The following MARCHF4 variants were observed in gnomAD, a reference collection of about 807,000 sequenced individuals.
MARCHF4 encodes the protein membrane associated ring-CH-type finger 4.
In MARCHF4, 14 loss-of-function variants were observed where a neutral mutation model predicts 43.9. That is an observed-to-expected ratio of 0.32 (90% CI 0.21 to 0.50). The LOEUF (loss-of-function observed/expected upper bound fraction) is 0.50. MARCHF4 is among the 20% of genes least tolerant of loss of function. The probability of loss-of-function intolerance (pLI) is 0.98; values close to 1 mark genes in which losing one functional copy is unlikely to be tolerated. For missense variants in MARCHF4, 468 were observed against 536.7 expected (o/e 0.87, Z 1.27); for synonymous variants, 226 against 213.3 (o/e 1.06, Z -0.52).
At chr2:216,273,659 C>G (rs1254542892) in intron 3 of MARCHF4, among the ~76,000 whole-genome samples, 2 of 152,174 alleles carry the variant, frequency 1.3e-5, no homozygotes, top group African/African-American at 4.8e-5. Flanking sequence ...AAGCTTCCCC[C>G]TTTTTCATGG....
chr2:216,295,514 T>G (rs1407657917), intron 1 of MARCHF4, among the ~76,000 whole-genome samples: 2 of 152,180 alleles, frequency 1.3e-5, no homozygotes, highest in Admixed American at 1.3e-4. Context: ...TGTGAGATGT[T>G]CTTAGGACCC....
At position 216,333,932 on chromosome 2, in the gene MARCHF4, C is replaced by T. The variant is rs147383416; in HGVS notation, c.516+35813G>A. On this transcript the variant is annotated intron_variant, in intron 1 of 3. Transcript: ENST00000273067. Reference sequence around the variant, plus strand: ...GGCCTCCTGTGTCACTCTCCTAAATCGAGGCCTGAAACAGCCTGGCTGAAG... The same window carrying T: ...GGCCTCCTGTGTCACTCTCCTAAATTGAGGCCTGAAACAGCCTGGCTGAAG... 1.8e-3 allele frequency among the ~76,000 whole-genome samples: 266 copies of T among 151,468 alleles called. 2 individuals carry two copies. The highest frequency in any genetic ancestry group is 6.9e-3 in the Middle Eastern group (2 of 288).
chr2:216,295,817 A>C (rs987771013), intron 1 of MARCHF4, among the ~76,000 whole-genome samples: 4 of 152,214 alleles, frequency 2.6e-5, no homozygotes, highest in Non-Finnish European at 5.9e-5. Flanking sequence ...AGGTGTGGCT[A>C]ACAGCCCTGT....
At chr2:216,300,969 C>T (rs374189674) in intron 1 of MARCHF4, among the ~76,000 whole-genome samples, 4 of 152,222 alleles carry the variant, frequency 2.6e-5, no homozygotes, top group South Asian at 4.1e-4. Context: ...ATGAGAAACC[C>T]CCATTTCCTA....
chr2:216,278,222 A>T (rs553433260), intron 2 of MARCHF4, among the ~76,000 whole-genome samples: 121 of 150,318 alleles, frequency 8.0e-4, no homozygotes, highest in African/African-American at 3.0e-3. Flanking sequence ...TGATTCTTTT[A>T]TTTATTTATT....
At chr2:216,286,463 A>C (rs2544065) in intron 1 of MARCHF4, among the ~76,000 whole-genome samples, 88,374 of 151,262 alleles carry the variant, frequency 0.58, 25,954 homozygotes, top group East Asian at 0.71. Flanking sequence ...TACTTGAACC[A>C]AGGAGGCAGA....
intron 1 of MARCHF4, among the ~76,000 whole-genome samples, chr2:216,354,412 TC>T (rs1381973147): frequency 6.6e-6 from 1 of 152,174 alleles, no homozygotes; most frequent in Admixed American, 6.5e-5. Flanking sequence ...GTGGGGTCCT[TC>T]TCCAGCTTTC....
chr2:216,346,691 T>C (rs909483483), intron 1 of MARCHF4, among the ~76,000 whole-genome samples: 8 of 152,154 alleles, frequency 5.3e-5, no homozygotes, highest in African/African-American at 1.9e-4. Context: ...TAGTGGTCCA[T>C]AGGTTGGGGC....
chr2:216,299,312 G>A (rs1035524434), intron 1 of MARCHF4, among the ~76,000 whole-genome samples: 24 of 152,142 alleles, frequency 1.6e-4, no homozygotes, highest in African/African-American at 5.6e-4. Context: ...TGCCTTCTCC[G>A]TGGAACTGAC....
intron 3 of MARCHF4, among the ~76,000 whole-genome samples, chr2:216,263,493 A>AAGAGAGAGAGAGAGAGAG (rs150783185): frequency 6.8e-5 from 4 of 58,872 alleles, no homozygotes; most frequent in Admixed American, 2.0e-4. Flanking sequence ...AGGAGAGAGA[A>AAGAGAGAGAGAGAGAGAG]AGAGAGAGAG....
chr2:216,292,871 G>A (rs1308742996), intron 1 of MARCHF4, among the ~76,000 whole-genome samples: 1 of 152,152 alleles, frequency 6.6e-6, no homozygotes, highest in Non-Finnish European at 1.5e-5. Flanking sequence ...AGACCTGTGG[G>A]AGGTCAATGT....
At chr2:216,296,762 C>T (rs961116794) in intron 1 of MARCHF4, among the ~76,000 whole-genome samples, 2 of 152,166 alleles carry the variant, frequency 1.3e-5, no homozygotes, top group Non-Finnish European at 2.9e-5. Context: ...ACTTGTATTT[C>T]TTCTTCATTA....
intron 1 of MARCHF4, among the ~76,000 whole-genome samples, chr2:216,323,885 A>G (rs1691945584): frequency 6.6e-6 from 1 of 152,218 alleles, no homozygotes; most frequent in African/African-American, 2.4e-5. Context: ...TTGACACCCT[A>G]ACATCACAAT....
intron 1 of MARCHF4, among the ~76,000 whole-genome samples, chr2:216,359,355 TC>T (rs1329926670): frequency 6.6e-6 from 1 of 152,194 alleles, no homozygotes; most frequent in Non-Finnish European, 1.5e-5. Flanking sequence ...TATTTTTTCC[TC>T]TTCTTTTCTC....
At chr2:216,270,801 C>G (rs113490644) in intron 3 of MARCHF4, among the ~76,000 whole-genome samples, 4 of 152,248 alleles carry the variant, frequency 2.6e-5, no homozygotes, top group African/African-American at 9.6e-5. Context: ...GACTCTCACT[C>G]TCCTAAGAGG....
In MARCHF4 at chr2:216,259,597, G is replaced by C. The variant is rs1259117142; in HGVS notation, c.948C>G (p.Asn316Lys). The C allele has an allele frequency of 6.2e-7, 1 of 1,614,224 alleles. No individual in the cohort carries two copies. The highest frequency in any genetic ancestry group is 2.2e-5 in the East Asian group (1 of 44,890). ...CCTCCAGGTCTTTTGTCTTGTCATA[G>C]TTCAGCACTTTCCACTGCTGGTTGA... ...QAVNQQWKVL[N>K]YDKTKDLEDQ... Residue 316 changes from asparagine to lysine, a missense_variant, in exon 4 of 4, where the codon AAC becomes AAG. Around this residue, in one of 3 missense-constraint regions of MARCHF4, gnomAD observed 120 missense variants for 127.1 expected, o/e 0.94. Coordinates refer to ENST00000273067, the MANE Select transcript of MARCHF4 (RefSeq NM_020814.3).
chr2:216,320,212 C>A (rs1171021421), intron 1 of MARCHF4, among the ~76,000 whole-genome samples: 1 of 152,186 alleles, frequency 6.6e-6, no homozygotes, highest in East Asian at 1.9e-4. Flanking sequence ...TCCATATTTT[C>A]TGAGAAGCAA....
At chr2:216,345,491 AT>A (rs1393572063) in intron 1 of MARCHF4, among the ~76,000 whole-genome samples, 1 of 151,940 alleles carries the variant, frequency 6.6e-6, no homozygotes, top group Non-Finnish European at 1.5e-5. Flanking sequence ...ATCAAGCTAT[AT>A]TTTTCTCCAC....
At chr2:216,317,692 G>T (rs1691802547) in intron 1 of MARCHF4, among the ~76,000 whole-genome samples, 1 of 152,180 alleles carries the variant, frequency 6.6e-6, no homozygotes. Context: ...GGGATTACAG[G>T]CATGAGCCAC....
Sources: allele counts gnomAD v4.1 joint callset (sites outside exome capture counted in the v4.1 genomes callset), GRCh38; gene constraint gnomAD v4.1.1; regional missense constraint gnomAD v4.1.1; transcripts MANE v1.5; gene names NCBI Gene and HGNC (gene_info 2026-07-23, HGNC 2026-07-21).